The following DRICH1 variants were observed in gnomAD, a reference collection of about 807,000 sequenced individuals.
DRICH1 encodes the protein aspartate rich 1.
A neutral mutation model predicts 39.5 loss-of-function variants in DRICH1; 38 were observed. The observed-to-expected ratio is 0.96, with a 90% CI of 0.74 to 1.26. The LOEUF is 1.26. Among genes scored for constraint, DRICH1 ranks in the 50% most tolerant of loss-of-function variants. DRICH1 has a pLI of 0.00. For missense variants in DRICH1, 279 were observed against 270.4 expected, an observed-to-expected ratio of 1.03 and a Z score of -0.22; for synonymous variants, 84 against 99.5, an observed-to-expected ratio of 0.84 and a Z score of 0.93.
the DRICH1 span, among the ~76,000 whole-genome samples, chr22:23,595,115 G>A: frequency 6.8e-6 from 1 of 146,260 alleles, no homozygotes. Flanking sequence ...GGTGGAGGGT[G>A]AGGAGAGGGA....
the DRICH1 span, among the ~76,000 whole-genome samples, chr22:23,599,446 G>A: frequency 2.0e-5 from 3 of 152,120 alleles, no homozygotes; most frequent in African/African-American, 7.2e-5. Flanking sequence ...TCTCTCCCTT[G>A]TCCCCTGCCC....
chr22:23,629,920 G>C (rs1928290368), intron 1 of DRICH1, among the ~76,000 whole-genome samples: 1 of 152,098 alleles, frequency 6.6e-6, no homozygotes, highest in Non-Finnish European at 1.5e-5. Flanking sequence ...CCCGGCCATG[G>C]ATTGGAGCAT....
rs1051509061 is a variant in DRICH1 at position 23,623,981 on chromosome 22, C to T, written c.298+902G>A. 9 of 816,708 alleles carry T rather than the reference C, an allele frequency of 1.1e-5. No individual in the cohort carries two copies. In the African/African-American group the frequency reaches 3.6e-4, roughly 33 times the overall value. 50.6% of individuals were successfully genotyped at this position (816,708 alleles called of 1,614,324 possible). A position where few individuals can be genotyped will look rare whatever the true frequency, so the allele number is the denominator to read the frequency against. Reference sequence around the variant, plus strand: ...GCTCAAGGTTGTGCTTCTCTCTCAACAGAATGCTGACAGTGTGCTCAAGGT... The same window carrying T: ...GCTCAAGGTTGTGCTTCTCTCTCAATAGAATGCTGACAGTGTGCTCAAGGT... On this transcript the variant is annotated intron_variant, in intron 3 of 11. Coordinates refer to ENST00000317749, the MANE Select transcript of DRICH1 (RefSeq NM_016449.4).
rs1211963554 is a variant in DRICH1, at chr22:23,612,466, C to CAAA, written c.685+820_685+822dup. ...TGGGTGACAGAGCGAGACTCCATCT[C>CAAA]AAAAAAAAAAAAAAAGAAAAAAAAA... On this transcript the variant is annotated intron_variant, in intron 11 of 11. Transcript: ENST00000317749. Among the ~76,000 whole-genome samples, 77 of 24,782 alleles carry CAAA rather than the reference C, an allele frequency of 3.1e-3. 6 individuals are homozygous for CAAA. Among genetic ancestry groups the CAAA allele is most frequent in the South Asian group, 6.5e-3 (4 of 620 alleles). The allele number at this position is 24,782 out of a possible 152,430, so 16.3% of individuals were successfully genotyped here.
At position 23,613,672 on chromosome 22, in the gene DRICH1, TA is replaced by T; in HGVS notation, c.622-13del. On this transcript the variant is annotated splice_polypyrimidine_tract_variant and intron_variant, in intron 9 of 11. Transcript: ENST00000317749. ...ATCCGAGCTGTTATCTGCAATTATA[TA>T]AAAGAAAACATTATGAAAATCAGAT... The T allele has an allele frequency of 6.3e-7, 1 of 1,585,588 alleles. No homozygotes were observed. The highest frequency in any genetic ancestry group is 8.7e-7 in the Non-Finnish European group (1 of 1,155,590).
chr22:23,617,471 G>A, intron 7 of DRICH1, 104 bp downstream of exon 7: 3 of 1,347,708 alleles, frequency 2.2e-6, no homozygotes, highest in Non-Finnish European at 3.2e-6. Context: ...CACTTTTACT[G>A]TTTTTCAGCT....
At chr22:23,591,181 C>T in the DRICH1 span, among the ~76,000 whole-genome samples, 4,920 of 152,224 alleles carry the variant, frequency 0.032, 247 homozygotes, top group African/African-American at 0.11. Flanking sequence ...ACAGTTCTGG[C>T]CTTCAGGCCT....
intron 1 of DRICH1, among the ~76,000 whole-genome samples, chr22:23,629,544 T>C (rs573040448): frequency 1.1e-4 from 16 of 152,274 alleles, no homozygotes; most frequent in Admixed American, 3.3e-4. Context: ...AGGCTAATAA[T>C]AATATTGTCC....
the DRICH1 span, among the ~76,000 whole-genome samples, chr22:23,585,367 G>A: frequency 6.6e-6 from 1 of 152,084 alleles, no homozygotes; most frequent in African/African-American, 2.4e-5. Context: ...TCAAGCTCCT[G>A]AACTCAAGAT....
intron 5 of DRICH1, among the ~76,000 whole-genome samples, chr22:23,620,234 G>C (rs1927640217): frequency 6.6e-6 from 1 of 152,024 alleles, no homozygotes; most frequent in African/African-American, 2.4e-5. Flanking sequence ...AAGGTTCCTG[G>C]AAATGCTGTT....
chr22:23,622,244 G>A (rs1387449808), intron 3 of DRICH1, 68 bp from the exon 4 acceptor site: 47 of 1,400,130 alleles, frequency 3.4e-5, no homozygotes, highest in Non-Finnish European at 4.8e-5. Flanking sequence ...AGGGAGCTTT[G>A]CTGGATGTGG....
Position 23,622,150 on chromosome 22 carries a change from C to T in DRICH1, c.325G>A (p.Val109Ile), listed in dbSNP as rs1455024037. ...QGSSEDNLSL[V>I]CLPRSEDDDC... Reference sequence around the variant, plus strand: ...TCATCTTCACTTCGTGGTAGGCATACTAAACTCAGGTTGTCCTCAGAAGAA... The same window carrying T: ...TCATCTTCACTTCGTGGTAGGCATATTAAACTCAGGTTGTCCTCAGAAGAA... The change falls in exon 4 of 12, where the codon GTA (valine) becomes ATA (isoleucine). Residue 109 changes from valine to isoleucine, a missense_variant. Transcript: ENST00000317749. 5.6e-6 allele frequency: 9 copies of T among 1,613,980 alleles called. No individual in the cohort carries two copies. The highest frequency in any genetic ancestry group is 7.6e-6 in the Non-Finnish European group (9 of 1,179,992).
Position 23,608,561 on chromosome 22 carries a change from G to A in DRICH1, c.*203C>T. ...CAAAGGAGAAATGCCAGGCCCAGAAGCACTGGGTCCTGGATGGTACAGGCC... is the reference window on the plus strand; with the variant it reads ...CAAAGGAGAAATGCCAGGCCCAGAAACACTGGGTCCTGGATGGTACAGGCC... On this transcript the variant is annotated 3_prime_UTR_variant, in exon 12 of 12. Transcript: ENST00000317749. The A allele has an allele frequency of 1.8e-6, 1 of 545,180 alleles. No individual in the cohort carries two copies. The highest frequency in any genetic ancestry group is 3.3e-6 in the Non-Finnish European group (1 of 302,828). 33.8% of individuals were successfully genotyped at this position (545,180 alleles called of 1,614,324 possible).
chr22:23,601,130 G>A, the DRICH1 span, among the ~76,000 whole-genome samples: 2 of 149,708 alleles, frequency 1.3e-5, no homozygotes, highest in Non-Finnish European at 3.0e-5. Context: ...CATCTGGTTT[G>A]ACCTAACGCA....
At chr22:23,582,569 T>TA in the DRICH1 span, among the ~76,000 whole-genome samples, 7 of 149,020 alleles carry the variant, frequency 4.7e-5, no homozygotes, top group Admixed American at 4.0e-4. Context: ...TTATTATTAT[T>TA]ATTATTATTA....
chr22:23,593,980 A>AAAAAAAAAAAAAG, the DRICH1 span, among the ~76,000 whole-genome samples: 276 of 137,164 alleles, frequency 2.0e-3, 4 homozygotes, highest in East Asian at 5.6e-3. Flanking sequence ...TCTGTCTCAA[A>AAAAAAAAAAAAAG]AAAAAAAAAA....
At chr22:23,617,418 A>C (rs868334255) in intron 7 of DRICH1, among the ~76,000 whole-genome samples, 157 bp downstream of exon 7, 1 of 152,086 alleles carries the variant, frequency 6.6e-6, no homozygotes, top group African/African-American at 2.4e-5. Flanking sequence ...TCCTGCTTGG[A>C]TTGGCAATGC....
the DRICH1 span, among the ~76,000 whole-genome samples, chr22:23,597,808 G>A: frequency 6.6e-6 from 1 of 152,058 alleles, no homozygotes; most frequent in Non-Finnish European, 1.5e-5. Context: ...CTGGGGCTGG[G>A]AGCAGGTGGG....
intron 6 of DRICH1, among the ~76,000 whole-genome samples, 179 bp downstream of exon 6, chr22:23,619,185 A>G (rs1399073471): frequency 4.0e-5 from 6 of 151,836 alleles, no homozygotes; most frequent in African/African-American, 7.3e-5. Flanking sequence ...AAAAAAAAAA[A>G]AAAAGAAAAA....
Sources: allele counts gnomAD v4.1 joint callset (sites outside exome capture counted in the v4.1 genomes callset), GRCh38; gene constraint gnomAD v4.1.1; transcripts MANE v1.5; gene names NCBI Gene and HGNC (gene_info 2026-07-23, HGNC 2026-07-21).